The following LUZP1 variants were observed in gnomAD, a reference collection of about 807,000 sequenced individuals.
LUZP1 encodes the protein leucine zipper protein 1, also known as filamin mechanobinding actin cross-linking protein.
Under a neutral mutation model 71.3 loss-of-function variants are expected in LUZP1, and 25 were observed. The ratio of observed to expected loss-of-function variants is 0.35; its 90% CI spans 0.26 to 0.49. The LOEUF (loss-of-function observed/expected upper bound fraction) is 0.49. Among genes scored for constraint, LUZP1 ranks in the 20% least tolerant of loss-of-function variants. LUZP1 has a pLI of 0.99. For synonymous variants in LUZP1, 481 were observed against 506.4 expected, an observed-to-expected ratio of 0.95 and a Z score of 0.67; for missense variants, 1,142 against 1,300.8, an observed-to-expected ratio of 0.88 and a Z score of 1.88.
intron 2 of LUZP1, among the ~76,000 whole-genome samples, chr1:23,116,381 C>A (rs1317531435): frequency 6.6e-6 from 1 of 151,976 alleles, no homozygotes; most frequent in Non-Finnish European, 1.5e-5. Flanking sequence ...ATTGGCCAGG[C>A]ATGGTGGTAT....
intron 2 of LUZP1, among the ~76,000 whole-genome samples, chr1:23,118,356 C>A (rs1198607333): frequency 6.6e-6 from 1 of 152,094 alleles, no homozygotes; most frequent in Admixed American, 6.5e-5. Context: ...TGAGATCACA[C>A]CACTGCACTT....
At chr1:23,156,694 T>A (rs1440192567) in intron 2 of LUZP1, among the ~76,000 whole-genome samples, 1 of 152,200 alleles carries the variant, frequency 6.6e-6, no homozygotes, top group South Asian at 2.1e-4. Context: ...GGCGCCATCT[T>A]GGGAGGTAAG....
chr1:23,083,655 T>TTG (rs2124562089), downstream of LUZP1: 2 of 243,384 alleles, frequency 8.2e-6, no homozygotes, highest in East Asian at 1.6e-4. Context: ...TTGTTTTTTT[T>TTG]TTATATTTTG....
chr1:23,166,048 C>CAAAAAAA (rs76454136), intron 2 of LUZP1, among the ~76,000 whole-genome samples: 2 of 98,554 alleles, frequency 2.0e-5, no homozygotes, highest in Non-Finnish European at 2.3e-5. Context: ...GTCTTTTTAC[C>CAAAAAAA]AAAAAAAAAA....
chr1:23,103,195 C>T (rs898713607), intron 3 of LUZP1, among the ~76,000 whole-genome samples: 14 of 151,624 alleles, frequency 9.2e-5, no homozygotes, highest in Non-Finnish European at 1.9e-4. Context: ...CTTCGCCCTT[C>T]GAGCCTTCTA....
chr1:23,103,841 AGGG>A (rs1449942259), intron 3 of LUZP1, among the ~76,000 whole-genome samples: 135 of 2,458 alleles, frequency 0.055, 4 homozygotes, highest in Non-Finnish European at 0.095. Flanking sequence ...AGAGGGAGAG[AGGG>A]AGGGAGGGAG....
At chr1:23,150,972 T>A (rs1475832516) in intron 2 of LUZP1, among the ~76,000 whole-genome samples, 2 of 152,206 alleles carry the variant, frequency 1.3e-5, no homozygotes, top group African/African-American at 2.4e-5. Context: ...AGGAGGGACA[T>A]TCCCCAAAAG....
At chr1:23,159,954 C>T (rs1050510885) in intron 2 of LUZP1, among the ~76,000 whole-genome samples, 2 of 152,090 alleles carry the variant, frequency 1.3e-5, no homozygotes, top group African/African-American at 4.8e-5. Flanking sequence ...CCACTGCACT[C>T]CAGCATGGGC....
At chr1:23,163,458 A>G (rs1024159126) in intron 2 of LUZP1, among the ~76,000 whole-genome samples, 1 of 151,034 alleles carries the variant, frequency 6.6e-6, no homozygotes, top group African/African-American at 2.4e-5. Context: ...TCGGAGGCTG[A>G]GGAAGGAGAA....
chr1:23,091,135 G>C (rs1643844870), intron 4 of LUZP1, 55 bp downstream of exon 3: 2 of 1,503,428 alleles, frequency 1.3e-6, no homozygotes, highest in Non-Finnish European at 1.8e-6. Context: ...AAAGGAAAAG[G>C]CAAAGAAGGA....
intron 2 of LUZP1, among the ~76,000 whole-genome samples, chr1:23,119,439 T>G (rs1408409801): frequency 1.3e-5 from 2 of 152,010 alleles, no homozygotes; most frequent in Non-Finnish European, 2.9e-5. Context: ...AGATCTTAGT[T>G]TTAGCTTTAA....
intron 3 of LUZP1, among the ~76,000 whole-genome samples, chr1:23,099,187 T>C (rs1374433839): frequency 1.3e-5 from 2 of 152,254 alleles, no homozygotes; most frequent in Admixed American, 1.3e-4. Flanking sequence ...TTAAAAACTC[T>C]TGCATTTGGC....
At chr1:23,153,869 T>C (rs658508) in intron 2 of LUZP1, among the ~76,000 whole-genome samples, 89,096 of 151,888 alleles carry the variant, frequency 0.59, 28,955 homozygotes, top group African/African-American at 0.88. Context: ...CCTGGGAGGT[T>C]GAGGCTGCAG....
chr1:23,119,843 A>G (rs1365861319), intron 2 of LUZP1, among the ~76,000 whole-genome samples: 1 of 152,230 alleles, frequency 6.6e-6, no homozygotes, highest in Non-Finnish European at 1.5e-5. Flanking sequence ...ATAAGAAAGA[A>G]TAATTCATCT....
chr1:23,155,350 G>A (rs911872554), intron 2 of LUZP1, among the ~76,000 whole-genome samples: 2 of 152,200 alleles, frequency 1.3e-5, no homozygotes, highest in Non-Finnish European at 2.9e-5. Context: ...TTACAGGGCA[G>A]TACACAGTTC....
rs1279402081 is a variant in LUZP1, at chr1:23,093,115, C to G, written c.1147G>C (p.Ala383Pro). ...CGCGCTGTGTGCTTGGACACAGAAG[C>G]TTCACTTCCGTGGCCTCTAAACTTA... The change falls in exon 4 of 5, where the codon GCT becomes CCT. Residue 383 changes from alanine (A) to proline (P), a missense_variant. Physicochemically the swap from Ala to Pro is conservative, Grantham distance 27. Coordinates refer to ENST00000302291, the Ensembl canonical transcript of LUZP1. This position sits in a 1 kb window ranked among gnomAD's most constrained non-coding sequence, Gnocchi z 4.2. 1.2e-6 allele frequency: 2 copies of G among 1,614,154 alleles called. No homozygotes were observed. Among genetic ancestry groups the G allele is most frequent in the Non-Finnish European group, 1.7e-6 (2 of 1,180,008 alleles).
At chr1:23,104,108 C>T (rs906405030) in intron 3 of LUZP1, among the ~76,000 whole-genome samples, 2 of 151,864 alleles carry the variant, frequency 1.3e-5, no homozygotes, top group African/African-American at 4.8e-5. Context: ...GTTTGAGGAA[C>T]ATTCCCTTAT....
chr1:23,125,001 T>C (rs555241087), intron 2 of LUZP1, among the ~76,000 whole-genome samples: 1 of 152,346 alleles, frequency 6.6e-6, no homozygotes, highest in Admixed American at 6.5e-5. Context: ...CCCCATCATT[T>C]AAGCCAAATA....
rs973237790 is a variant in LUZP1 at position 23,109,024 on chromosome 1, T to C, written c.-122A>G. The C allele has an allele frequency of 2.0e-5, 3 of 152,224 alleles. No homozygotes were observed. Among genetic ancestry groups the C allele is most frequent in the Non-Finnish European group, 2.9e-5 (2 of 68,036 alleles). The allele number at this position is 152,224 out of a possible 1,614,324, so 9.4% of individuals were successfully genotyped here. A position where few individuals can be genotyped will look rare whatever the true frequency, so the allele number is the denominator to read the frequency against. ...GTTTCACTGTACAACATACTTACCATGTAGGTAATTCAAGCTTTCCGTCAA... is the reference window on the plus strand; with the variant it reads ...GTTTCACTGTACAACATACTTACCACGTAGGTAATTCAAGCTTTCCGTCAA... On this transcript the variant is annotated splice_region_variant and 5_prime_UTR_variant, in exon 3 of 5. An upstream start codon of the reference 5' UTR is lost. Transcript: ENST00000302291.
Sources: allele counts gnomAD v4.1 joint callset (sites outside exome capture counted in the v4.1 genomes callset), GRCh38; gene constraint gnomAD v4.1.1; non-coding constraint Gnocchi (gnomAD v3.1); transcripts MANE v1.5; gene names NCBI Gene and HGNC (gene_info 2026-07-23, HGNC 2026-07-21).